Variants in UBR4 observed in about 807,000 individuals in gnomAD.
The protein encoded by UBR4 is E3 ubiquitin-protein ligase UBR4.
In UBR4, 124 loss-of-function variants were observed where a neutral mutation model predicts 575.6. The observed-to-expected ratio is 0.22, with a 90% CI of 0.19 to 0.25. UBR4 has a LOEUF of 0.25. Ranked by LOEUF, UBR4 falls within the 10% of genes least tolerant of loss-of-function variation. UBR4 has a pLI of 1.00. For synonymous variants in UBR4, 2,455 were observed against 2,473.7 expected (o/e 0.99, Z 0.22); for missense variants, 4,818 against 6,478.8 (o/e 0.74, Z 8.80).
At chr1:19,081,986 G>C (rs2076562779) in intron 102 of UBR4, 5 of 582,200 alleles carry the variant, frequency 8.6e-6, no homozygotes, top group Non-Finnish European at 3.1e-6. Flanking sequence ...CCAAAAACAT[G>C]AATCAAGATT....
In UBR4 at chr1:19,112,448, ACT is replaced by A; in HGVS notation, c.11801+74_11801+75del. ...GGTGGTCAGAAGCACTATTCTGTGC[ACT>A]CTCTAACGCTCCTGGCATGGCTGCC... On this transcript the variant is annotated intron_variant, in intron 78 of 105. Transcript: ENST00000375254. 4.0e-6 allele frequency: 6 copies of A among 1,491,056 alleles called. No individual in the cohort carries two copies. The South Asian group carries it at 5.3e-5, about 13-fold the overall frequency. The allele number at this position is 1,491,056 out of a possible 1,614,324, so 92.4% of individuals were successfully genotyped here.
intron 1 of UBR4, among the ~76,000 whole-genome samples, chr1:19,209,735 T>C (rs565429141): frequency 8.7e-4 from 132 of 152,164 alleles, no homozygotes; most frequent in African/African-American, 2.9e-3. Context: ...GGGCGAGAAA[T>C]GCAAACTCAT....
intron 22 of UBR4, 37 bp from the exon 23 acceptor site, chr1:19,173,658 G>C (rs957720676): frequency 6.2e-7 from 1 of 1,601,130 alleles, no homozygotes; most frequent in African/African-American, 1.3e-5. Context: ...GTAGCACTTG[G>C]TATGGCCTCA....
chr1:19,128,223 A>G lies in UBR4; in HGVS notation c.9099T>C (p.Gly3033=). The G allele has an allele frequency of 6.2e-7, 1 of 1,613,814 alleles. No homozygotes were observed. Among genetic ancestry groups the G allele is most frequent in the Non-Finnish European group, 8.5e-7 (1 of 1,179,854 alleles). ...NLLSQLIAEL[G]MDKKDVSKKN... ...TCTCAGATTTTACCTTTTTATCCAT[A>G]CCCAACTCAGCAATAAGCTGGGAGA... Residue 3033 remains glycine (G), a synonymous_variant, in exon 62 of 106, where the codon GGT becomes GGC. Coordinates refer to ENST00000375254, the MANE Select transcript of UBR4 (RefSeq NM_020765.3).
chr1:19,143,852 A>G, intron 55 of UBR4, 128 bp downstream of exon 55: 1 of 730,738 alleles, frequency 1.4e-6, no homozygotes, highest in Admixed American at 2.6e-5. Flanking sequence ...GTAGGATTAG[A>G]AAAAAGACAG....
chr1:19,132,768 A>C (rs1450954525), intron 60 of UBR4, among the ~76,000 whole-genome samples: 1 of 152,048 alleles, frequency 6.6e-6, no homozygotes, highest in Non-Finnish European at 1.5e-5. Flanking sequence ...TACTATTGTC[A>C]GAAATGAAAA....
intron 55 of UBR4, among the ~76,000 whole-genome samples, chr1:19,143,259 GAAGAAAGAAAGAAAGAAAGAAAGA>G (rs200550539): frequency 2.2e-3 from 201 of 91,612 alleles, no homozygotes; most frequent in East Asian, 0.022. Context: ...AGGAAGGAAG[GAAGAAAGAAAGAAAGAAAGAAAGA>G]AAGAAAGAAA....
chr1:19,155,875 C>CAGGA, intron 42 of UBR4, among the ~76,000 whole-genome samples: 2 of 152,302 alleles, frequency 1.3e-5, no homozygotes, highest in South Asian at 4.1e-4. Flanking sequence ...GACAGACATA[C>CAGGA]ATAAATAAAT....
intron 8 of UBR4, 95 bp downstream of exon 8, chr1:19,197,046 G>A: frequency 6.9e-7 from 1 of 1,445,102 alleles, no homozygotes; most frequent in South Asian, 1.3e-5. Context: ...GGAAGCAAGG[G>A]GGATGAGTAG....
chr1:19,090,316 T>G (rs960428918), intron 97 of UBR4, among the ~76,000 whole-genome samples: 4 of 152,118 alleles, frequency 2.6e-5, no homozygotes, highest in Non-Finnish European at 4.4e-5. Flanking sequence ...TCTTCCTACC[T>G]CCAATCTCAC....
Position 19,117,509 on chromosome 1 carries a change from T to G in UBR4, c.10630-95A>C, listed in dbSNP as rs971833478. Reference sequence around the variant, plus strand: ...TGTAACCCACTCTTCATCCACAAGATGAAGTTTCTATTTAATTTTTTAAAA... The same window carrying G: ...TGTAACCCACTCTTCATCCACAAGAGGAAGTTTCTATTTAATTTTTTAAAA... On this transcript the variant is annotated intron_variant, in intron 72 of 105. Transcript: ENST00000375254. The surrounding 1 kb of genome is among the most constrained non-coding windows in gnomAD (Gnocchi z 4.0). The G allele has an allele frequency of 1.2e-5, 16 of 1,333,776 alleles. No homozygotes were observed. The African/African-American group carries it at 2.2e-4, about 19-fold the overall frequency. 82.6% of individuals were successfully genotyped at this position (1,333,776 alleles called of 1,614,324 possible).
chr1:19,113,170 G>A (rs2080092100), intron 77 of UBR4: 1 of 322,752 alleles, frequency 3.1e-6, no homozygotes, highest in Non-Finnish European at 5.7e-6. Context: ...TAGCAAAGAT[G>A]GCACTCCAGC....
chr1:19,182,888 T>C (rs2091141813), intron 17 of UBR4, among the ~76,000 whole-genome samples: 1 of 151,228 alleles, frequency 6.6e-6, no homozygotes, highest in South Asian at 2.1e-4. Flanking sequence ...TTTTTTAAAT[T>C]TAAGGAATAT....
In UBR4 at chr1:19,117,529, T is replaced by A; in HGVS notation, c.10630-115A>T. ...CAAGATGAAGTTTCTATTTAATTTT[T>A]TAAAAAATATTTTGTAGAGATGGGG... On this transcript the variant is annotated intron_variant, in intron 72 of 105. Coordinates refer to ENST00000375254, the MANE Select transcript of UBR4 (RefSeq NM_020765.3). This position sits in a 1 kb window ranked among gnomAD's most constrained non-coding sequence, Gnocchi z 4.0. 8.1e-7 allele frequency: 1 copy of A among 1,235,226 alleles called. No homozygotes were observed. Among genetic ancestry groups the A allele is most frequent in the Non-Finnish European group, 1.1e-6 (1 of 901,920 alleles). 76.5% of individuals were successfully genotyped at this position (1,235,226 alleles called of 1,614,324 possible).
rs1411022782 is a variant in UBR4 at position 19,203,018 on chromosome 1, C to T, written c.177-1203G>A. On this transcript the variant is annotated intron_variant, in intron 1 of 105. Transcript: ENST00000375254. ...ATTGCTTGAACCCAGAAGGTAGAGG[C>T]TGCAGTGAGCCGAGATCGGGCCACT... is the stretch of plus-strand genomic sequence containing the variant. Among the ~76,000 whole-genome samples the T allele has an allele frequency of 2.0e-5, 3 of 151,508 alleles. No homozygotes were observed. In the East Asian group the frequency reaches 5.8e-4, roughly 29 times the overall value.
At position 19,141,484 on chromosome 1, in the gene UBR4, T is replaced by C; in HGVS notation, c.8351A>G (p.Asn2784Ser). 1 of 1,613,066 alleles carries C rather than the reference T, an allele frequency of 6.2e-7. No homozygotes were observed. Among genetic ancestry groups the C allele is most frequent in the East Asian group, 2.2e-5 (1 of 44,886 alleles). ...MVLETAENVN[N>S]GNPSPLEALL... ...GGCCTCCAGGGGAGAGGGGTTGCCA[T>C]TGTTGACATTTTCAGCTGTCTCCAG... The change falls in exon 57 of 106, where the codon AAT (asparagine) becomes AGT (serine). Residue 2784 changes from asparagine to serine, a missense_variant. Physicochemically the swap from Asn to Ser is conservative, Grantham distance 46. Around this residue, in one of 29 missense-constraint regions of UBR4, gnomAD observed 129 missense variants for 198.4 expected, o/e 0.65. Coordinates refer to ENST00000375254, the MANE Select transcript of UBR4 (RefSeq NM_020765.3).
intron 14 of UBR4, 122 bp downstream of exon 14, chr1:19,186,418 G>A (rs558931544): frequency 5.5e-6 from 4 of 728,552 alleles, no homozygotes; most frequent in Non-Finnish European, 8.5e-6. Context: ...CAAGGTCCAG[G>A]CTAAGCAGGT....
At position 19,148,506 on chromosome 1, in the gene UBR4, T is replaced by A. The variant is rs550046062; in HGVS notation, c.7494+57A>T. 16 of 1,606,704 alleles carry A rather than the reference T, an allele frequency of 1.0e-5. No homozygotes were observed. In the East Asian group the frequency reaches 3.3e-4, roughly 34 times the overall value. ...TCGAGGCCTCAGGGCCTCGGGCAAC[T>A]CCACTGACTTCCTGCCTCTTCAGAA... On this transcript the variant is annotated intron_variant, in intron 50 of 105. Coordinates refer to ENST00000375254, the MANE Select transcript of UBR4 (RefSeq NM_020765.3).
chr1:19,187,894 C>T (rs1470715433), intron 11 of UBR4, among the ~76,000 whole-genome samples: 1 of 152,008 alleles, frequency 6.6e-6, no homozygotes, highest in Non-Finnish European at 1.5e-5. Flanking sequence ...GAGGGAGACC[C>T]TGTCTCTACA....
Sources: gnomAD v4.1 joint callset for allele counts (sites outside exome capture counted in the v4.1 genomes callset) on GRCh38, gnomAD v4.1.1 for gene constraint, gnomAD v4.1.1 regional missense constraint, Gnocchi (gnomAD v3.1) non-coding constraint, MANE v1.5 for transcripts, NCBI Gene and HGNC (gene_info 2026-07-23, HGNC 2026-07-21) for gene names.